The following NIBAN1 variants were observed in gnomAD, a reference collection of about 807,000 sequenced individuals.
The protein encoded by NIBAN1 is niban apoptosis regulator 1.
A neutral mutation model predicts 75.1 loss-of-function variants in NIBAN1; 81 were observed. The ratio of observed to expected loss-of-function variants is 1.08; its 90% confidence interval spans 0.90 to 1.30. The LOEUF (loss-of-function observed/expected upper bound fraction) is 1.30, where lower values mean the gene tolerates loss of function less well. Ranked by LOEUF, NIBAN1 falls within the 50% of genes most tolerant of loss-of-function variation. NIBAN1 has a pLI of 0.00. For missense variants in NIBAN1, 1,133 were observed against 1,128.1 expected (o/e 1.00, Z -0.06); for synonymous variants, 436 against 424.8 (o/e 1.03, Z -0.32).
intron 6 of NIBAN1, 63 bp downstream of exon 6, chr1:184,831,784 T>C: frequency 8.6e-7 from 1 of 1,160,748 alleles, no homozygotes; most frequent in South Asian, 1.3e-5. Context: ...AAAATGACCC[T>C]GACTTCGTAT....
chr1:184,890,655 T>C (rs1253408462), intron 3 of NIBAN1, among the ~76,000 whole-genome samples: 1 of 152,238 alleles, frequency 6.6e-6, no homozygotes, highest in South Asian at 2.1e-4. Context: ...CTAATGAGAC[T>C]GTGGAACACG....
rs551082702 is a variant in NIBAN1 at position 184,862,180 on chromosome 1, C to T, written c.601+22453G>A. On this transcript the variant is annotated intron_variant, in intron 5 of 13. Coordinates refer to ENST00000367511, the MANE Select transcript of NIBAN1 (RefSeq NM_052966.4). ...CTGCAGACCTTCCCTTGTTTATCTC[C>T]GAATGCTCCCCCTGCCCGGTTAACA... is the stretch of plus-strand genomic sequence containing the variant. Among the ~76,000 whole-genome samples, 10 of 152,222 alleles carry T rather than the reference C, an allele frequency of 6.6e-5. No homozygotes were observed. In the East Asian group the frequency reaches 1.4e-3, roughly 21 times the overall value.
intron 1 of NIBAN1, among the ~76,000 whole-genome samples, chr1:184,916,324 A>AT (rs1322530733): frequency 2.0e-5 from 3 of 152,234 alleles, no homozygotes; most frequent in Non-Finnish European, 4.4e-5. Flanking sequence ...TAAATACATT[A>AT]TTTACATGTA....
At chr1:184,837,696 T>A (rs750577521) in intron 5 of NIBAN1, among the ~76,000 whole-genome samples, 4 of 152,156 alleles carry the variant, frequency 2.6e-5, no homozygotes, top group African/African-American at 7.2e-5. Flanking sequence ...TGAAAATAGT[T>A]CTTTCCATCA....
At chr1:184,824,157 C>T (rs1185975569) in intron 6 of NIBAN1, among the ~76,000 whole-genome samples, 1 of 152,158 alleles carries the variant, frequency 6.6e-6, no homozygotes, top group African/African-American at 2.4e-5. Context: ...TCTGTGTCCC[C>T]TGGGACTATC....
chr1:184,814,080 G>A (rs1264437470), intron 9 of NIBAN1, among the ~76,000 whole-genome samples: 3 of 152,204 alleles, frequency 2.0e-5, no homozygotes, highest in South Asian at 2.1e-4. Context: ...CTAGGTTAGA[G>A]GGTTAAAGGA....
Position 184,795,400 on chromosome 1 carries a change from A to G in NIBAN1, c.2364T>C (p.Phe788=). ...PEAHGEELGG[F]PEVGSPASPP... ...GAGAGGCTGGGCTGCCTACCTCTGG[A>G]AATCCCCCCAACTCCTCCCCATGGG... The change falls in exon 14 of 14, where the codon TTT becomes TTC. Residue 788 remains phenylalanine, a synonymous_variant. Coordinates refer to ENST00000367511, the MANE Select transcript of NIBAN1 (RefSeq NM_052966.4). 6.2e-7 allele frequency: 1 copy of G among 1,606,106 alleles called. No individual in the cohort carries two copies. Among genetic ancestry groups the G allele is most frequent in the Non-Finnish European group, 8.5e-7 (1 of 1,176,378 alleles).
chr1:184,935,210 G>A (rs1275293932), intron 1 of NIBAN1, among the ~76,000 whole-genome samples: 1 of 151,938 alleles, frequency 6.6e-6, no homozygotes, highest in East Asian at 1.9e-4. Flanking sequence ...GATTTTCAGA[G>A]GGAAATAAAA....
chr1:184,862,592 A>G (rs1226803131), intron 5 of NIBAN1, among the ~76,000 whole-genome samples: 2 of 152,248 alleles, frequency 1.3e-5, no homozygotes, highest in Middle Eastern at 3.2e-3. Flanking sequence ...TCCCAGGTGC[A>G]AATGAAGAAC....
intron 5 of NIBAN1, among the ~76,000 whole-genome samples, chr1:184,875,128 A>G (rs1329078369): frequency 6.6e-6 from 1 of 152,240 alleles, no homozygotes; most frequent in Non-Finnish European, 1.5e-5. Flanking sequence ...ATGATCCTGC[A>G]TATCCAAACT....
intron 5 of NIBAN1, among the ~76,000 whole-genome samples, chr1:184,861,569 AGAAGGAAGGAAG>A (rs201861217): frequency 0.021 from 3,035 of 141,594 alleles, 87 homozygotes; most frequent in East Asian, 0.073. Flanking sequence ...AAAGAAGGAG[AGAAGGAAGGAAG>A]GAGGGAAGGA....
In NIBAN1 at chr1:184,894,118, A is replaced by C. The variant is rs1329003253; in HGVS notation, c.275T>G (p.Val92Gly). Residue 92 changes from valine to glycine, a missense_variant, in exon 3 of 14, where the codon GTA (valine) becomes GGA (glycine). Val to Gly is a moderately radical substitution (Grantham distance 109). Coordinates refer to ENST00000367511, the MANE Select transcript of NIBAN1 (RefSeq NM_052966.4). ...DIKKWKERYV[V>G]VKNDYAVESY... is the part of the protein sequence containing the mutation. Reference sequence around the variant, plus strand: ...CTCCACAGCATAATCATTTTTAACTACAACGTATCTCTCCTTCCACTTCTT... The same window carrying C: ...CTCCACAGCATAATCATTTTTAACTCCAACGTATCTCTCCTTCCACTTCTT... 4.3e-6 allele frequency: 7 copies of C among 1,612,554 alleles called. No homozygotes were observed. Among genetic ancestry groups the C allele is most frequent in the African/African-American group, 2.7e-5 (2 of 74,856 alleles).
intron 1 of NIBAN1, among the ~76,000 whole-genome samples, chr1:184,925,163 C>A (rs1016863995): frequency 2.8e-4 from 43 of 151,730 alleles, no homozygotes; most frequent in African/African-American, 1.0e-3. Flanking sequence ...CTAAAATGAC[C>A]CCTTTTGTCT....
chr1:184,866,473 A>G (rs1655959877), intron 5 of NIBAN1, among the ~76,000 whole-genome samples: 1 of 152,214 alleles, frequency 6.6e-6, no homozygotes, highest in Admixed American at 6.5e-5. Context: ...GAAAGTTAAG[A>G]AGACACGAAA....
chr1:184,803,969 G>GA (rs926413313), intron 11 of NIBAN1, among the ~76,000 whole-genome samples: 2 of 152,204 alleles, frequency 1.3e-5, no homozygotes, highest in African/African-American at 4.8e-5. Context: ...AGAAGTTGGG[G>GA]ATAGAACTGG....
At chr1:184,940,307 G>A (rs200196846) in intron 1 of NIBAN1, among the ~76,000 whole-genome samples, 5 of 152,168 alleles carry the variant, frequency 3.3e-5, no homozygotes, top group East Asian at 3.8e-4. Flanking sequence ...CACTTCCACT[G>A]CAAAACATCT....
intron 5 of NIBAN1, among the ~76,000 whole-genome samples, chr1:184,853,722 C>A (rs536995458): frequency 3.3e-5 from 5 of 152,198 alleles, no homozygotes; most frequent in African/African-American, 9.6e-5. Context: ...CACACCTGTG[C>A]GCACACACAA....
At chr1:184,871,172 C>T (rs1399018146) in intron 5 of NIBAN1, among the ~76,000 whole-genome samples, 1 of 151,688 alleles carries the variant, frequency 6.6e-6, no homozygotes, top group Admixed American at 6.6e-5. Flanking sequence ...CATGGTGAAA[C>T]CCCGTCTCTA....
intron 9 of NIBAN1, among the ~76,000 whole-genome samples, chr1:184,808,748 A>G (rs1433427330): frequency 6.6e-6 from 1 of 152,126 alleles, no homozygotes; most frequent in Non-Finnish European, 1.5e-5. Flanking sequence ...TCTCTCTGCT[A>G]TAGGTTGCTT....
Sources: gnomAD v4.1 joint callset for allele counts (sites outside exome capture counted in the v4.1 genomes callset) on GRCh38, gnomAD v4.1.1 for gene constraint, MANE v1.5 for transcripts, NCBI Gene and HGNC (gene_info 2026-07-23, HGNC 2026-07-21) for gene names.